Variants in RBFOX1 observed in about 807,000 individuals in gnomAD.
RBFOX1 encodes the protein RNA binding protein fox-1 homolog 1.
In RBFOX1, 8 loss-of-function variants were observed where a neutral mutation model predicts 57.7. The ratio of observed to expected loss-of-function variants is 0.14; its 90% CI spans 0.08 to 0.25. The LOEUF (loss-of-function observed/expected upper bound fraction) is 0.25. Among genes scored for constraint, RBFOX1 ranks in the 10% least tolerant of loss-of-function variants. The pLI is 1.00. For synonymous variants in RBFOX1, 326 were observed against 222.4 expected, an observed-to-expected ratio of 1.47 and a Z score of -4.15; for missense variants, 611 against 548.5, an observed-to-expected ratio of 1.11 and a Z score of -1.14.
rs1402247639 is a variant in RBFOX1, at chr16:7,568,082, C to T, written c.271-11695C>T. On this transcript the variant is annotated intron_variant, in intron 5 of 15. Coordinates refer to ENST00000550418, the MANE Select transcript of RBFOX1 (RefSeq NM_018723.4). ...ATTCTATTGCTACTGGAAAGGGGTC[C>T]TGATCCAGACACCAAGAAAGGGTTC... Among the ~76,000 whole-genome samples, 3 of 152,034 alleles carry T rather than the reference C, an allele frequency of 2.0e-5. No individual in the cohort carries two copies. In the East Asian group the frequency reaches 5.8e-4, roughly 29 times the overall value.
At chr16:7,269,546 T>C (rs1262488236) in intron 4 of RBFOX1, among the ~76,000 whole-genome samples, 1 of 152,196 alleles carries the variant, frequency 6.6e-6, no homozygotes, top group African/African-American at 2.4e-5. Context: ...CGTATAATTT[T>C]TTACTTGGTA....
chr16:6,896,866 T>C (rs1007280013), intron 3 of RBFOX1, among the ~76,000 whole-genome samples: 2 of 151,220 alleles, frequency 1.3e-5, no homozygotes. Flanking sequence ...AGTGGAAGAG[T>C]GGTGAGAAAT....
chr16:5,706,400 T>G (rs2051249343), intron 3 of RBFOX1, among the ~76,000 whole-genome samples: 1 of 152,200 alleles, frequency 6.6e-6, no homozygotes, highest in Admixed American at 6.5e-5. Flanking sequence ...AGCACTGCCT[T>G]GCTTCTTGTT....
At chr16:5,255,599 CCCACTCAT>C (rs1398930040) in intron 1 of RBFOX1, among the ~76,000 whole-genome samples, 1 of 151,710 alleles carries the variant, frequency 6.6e-6, no homozygotes, top group African/African-American at 2.4e-5. Context: ...CACCCATTCA[CCCACTCAT>C]CCATTTCTCC....
intron 2 of RBFOX1, among the ~76,000 whole-genome samples, chr16:6,329,072 C>T (rs1441472347): frequency 2.0e-5 from 3 of 152,068 alleles, no homozygotes; most frequent in African/African-American, 4.8e-5. Context: ...TCTACCCTTC[C>T]CCCTGAAGTT....
chr16:7,702,376 G>A (rs538891856), intron 14 of RBFOX1, among the ~76,000 whole-genome samples: 1 of 151,900 alleles, frequency 6.6e-6, no homozygotes, highest in Non-Finnish European at 1.5e-5. Flanking sequence ...AAGCTGAGGG[G>A]ACCTCTCTGC....
intron 3 of RBFOX1, among the ~76,000 whole-genome samples, chr16:6,859,045 G>A (rs972285788): frequency 6.7e-6 from 1 of 148,866 alleles, no homozygotes; most frequent in African/African-American, 2.5e-5. Flanking sequence ...CCAGGACTGA[G>A]GCTGGAAGGA....
chr16:6,321,321 C>A (rs146813350), intron 2 of RBFOX1, among the ~76,000 whole-genome samples: 239 of 152,204 alleles, frequency 1.6e-3, no homozygotes, highest in African/African-American at 5.3e-3. Flanking sequence ...AGACTAGCAG[C>A]CTTATAAATA....
At chr16:6,970,764 G>A (rs113783399) in intron 3 of RBFOX1, among the ~76,000 whole-genome samples, 2 of 152,160 alleles carry the variant, frequency 1.3e-5, no homozygotes, top group Non-Finnish European at 2.9e-5. Flanking sequence ...TCAGACCATA[G>A]CCCCCTTTAA....
chr16:7,499,078 CAAAG>C (rs2069720456), intron 4 of RBFOX1, among the ~76,000 whole-genome samples: 1 of 152,128 alleles, frequency 6.6e-6, no homozygotes, highest in Non-Finnish European at 1.5e-5. Context: ...GCTACGAAAA[CAAAG>C]AACCACAAAC....
chr16:5,386,439 C>G (rs926615992), intron 1 of RBFOX1, among the ~76,000 whole-genome samples: 4 of 152,254 alleles, frequency 2.6e-5, no homozygotes, highest in African/African-American at 7.2e-5. Flanking sequence ...AGGGCTGTTC[C>G]TAGTGCTCCA....
intron 3 of RBFOX1, among the ~76,000 whole-genome samples, chr16:6,830,024 C>G (rs1333146207): frequency 6.6e-6 from 1 of 152,058 alleles, no homozygotes; most frequent in Non-Finnish European, 1.5e-5. Context: ...TCAAGTGATT[C>G]TCATGCCTCA....
intron 1 of RBFOX1, among the ~76,000 whole-genome samples, chr16:6,297,218 G>C (rs2078222943): frequency 6.6e-6 from 1 of 152,044 alleles, no homozygotes; most frequent in Admixed American, 6.5e-5. Context: ...AGATCTTTAT[G>C]ACCTGTATCT....
rs150322695 is a variant in RBFOX1, at chr16:6,138,663, C to T, written c.-127+118671C>T. Among the ~76,000 whole-genome samples, 793 of 152,224 alleles carry T rather than the reference C, an allele frequency of 5.2e-3. 3 individuals carry two copies. Among genetic ancestry groups the T allele is most frequent in the Non-Finnish European group, 8.7e-3 (591 of 68,016 alleles). On this transcript the variant is annotated intron_variant, in intron 1 of 15. Transcript: ENST00000550418. The stretch of plus-strand genomic sequence containing the variant: ...CGGACAGATCACGAGGTCAGGAGAT[C>T]GACACCATCCTGGCTAACATGGTGA...
chr16:6,026,870 A>G (rs2095206499), intron 1 of RBFOX1, among the ~76,000 whole-genome samples: 1 of 152,204 alleles, frequency 6.6e-6, no homozygotes, highest in African/African-American at 2.4e-5. Flanking sequence ...GTCCTTGGGC[A>G]TCATGCAGTC....
chr16:6,768,820 C>T (rs2077812911), intron 3 of RBFOX1, among the ~76,000 whole-genome samples: 1 of 151,208 alleles, frequency 6.6e-6, no homozygotes, highest in South Asian at 2.1e-4. Flanking sequence ...CCTCTGTCTG[C>T]AGGTTTCAAG....
At chr16:7,355,547 G>T (rs1042020696) in intron 4 of RBFOX1, among the ~76,000 whole-genome samples, 2 of 152,102 alleles carry the variant, frequency 1.3e-5, no homozygotes, top group Non-Finnish European at 2.9e-5. Context: ...AAGCAAGTGG[G>T]ATCTCATCAC....
chr16:7,411,902 C>CAAAA (rs60700135), intron 4 of RBFOX1, among the ~76,000 whole-genome samples: 1 of 95,392 alleles, frequency 1.0e-5, no homozygotes, highest in Non-Finnish European at 2.0e-5. Flanking sequence ...AAACTCCTTT[C>CAAAA]AAAAAAAAAA....
rs574918978 is a variant in RBFOX1, at chr16:6,915,234, G to C, written c.-15-136823G>C. On this transcript the variant is annotated intron_variant, in intron 3 of 15. Coordinates refer to ENST00000550418, the MANE Select transcript of RBFOX1 (RefSeq NM_018723.4). Reference sequence around the variant, plus strand: ...CTTGTTCTCCTAGCAGCTGGATGAAGCCTGTGGTCCTCAGCATTTCTACTA... The same window carrying C: ...CTTGTTCTCCTAGCAGCTGGATGAACCCTGTGGTCCTCAGCATTTCTACTA... Among the ~76,000 whole-genome samples, 20 of 152,262 alleles carry C rather than the reference G, an allele frequency of 1.3e-4. No homozygotes were observed. In the East Asian group the frequency reaches 3.7e-3, roughly 28 times the overall value.
Sources: gnomAD v4.1 joint callset for allele counts (sites outside exome capture counted in the v4.1 genomes callset) on GRCh38, gnomAD v4.1.1 for gene constraint, MANE v1.5 for transcripts, NCBI Gene and HGNC (gene_info 2026-07-23, HGNC 2026-07-21) for gene names.